Variants in CSMD1 observed in about 807,000 individuals in gnomAD.
The protein encoded by CSMD1 is CUB and sushi domain-containing protein 1.
CSMD1 carries 213 observed loss-of-function variants against 417.5 expected under a neutral mutation model. The observed-to-expected ratio is 0.51, with a 90% CI of 0.46 to 0.57. CSMD1 has a LOEUF of 0.57. Ranked by LOEUF, CSMD1 falls within the 20% of genes least tolerant of loss-of-function variation. The probability of loss-of-function intolerance (pLI) is 0.00; values close to 1 mark genes in which losing one functional copy is unlikely to be tolerated. For synonymous variants in CSMD1, 2,862 were observed against 1,736.8 expected (o/e 1.65, Z -16.11); for missense variants, 6,923 against 4,529.7 (o/e 1.53, Z -15.17).
At chr8:4,790,334 A>C (rs1273844981) in intron 1 of CSMD1, among the ~76,000 whole-genome samples, 1 of 152,198 alleles carries the variant, frequency 6.6e-6, no homozygotes, top group East Asian at 1.9e-4. Context: ...AGATGACACA[A>C]ACTAATGGAA....
intron 1 of CSMD1, among the ~76,000 whole-genome samples, chr8:4,725,197 G>T (rs973644491): frequency 8.5e-5 from 13 of 152,108 alleles, no homozygotes; most frequent in African/African-American, 3.1e-4. Flanking sequence ...GAATAAAGAT[G>T]AAAAGGTTAA....
chr8:3,476,110 A>G (rs1284920281), intron 11 of CSMD1, among the ~76,000 whole-genome samples: 2 of 152,158 alleles, frequency 1.3e-5, no homozygotes, highest in Non-Finnish European at 2.9e-5. Context: ...TCGGAGGCTG[A>G]GGTGGGAAGA....
intron 64 of CSMD1, among the ~76,000 whole-genome samples, 181 bp from the exon 65 acceptor site, chr8:2,954,449 T>C (rs1211269345): frequency 6.6e-6 from 1 of 152,194 alleles, no homozygotes; most frequent in African/African-American, 2.4e-5. Context: ...TTGGTGTTTG[T>C]GGGAAAGCGG....
intron 7 of CSMD1, among the ~76,000 whole-genome samples, chr8:3,633,738 T>A (rs993801116): frequency 6.6e-6 from 1 of 152,224 alleles, no homozygotes; most frequent in African/African-American, 2.4e-5. Context: ...ATGTAAACAC[T>A]GATTTCCCTT....
intron 1 of CSMD1, among the ~76,000 whole-genome samples, chr8:4,891,037 C>A (rs189386638): frequency 9.5e-4 from 144 of 152,222 alleles, no homozygotes; most frequent in African/African-American, 3.3e-3. Context: ...GGAAATGGTT[C>A]CATTCATTAC....
chr8:3,788,274 C>G (rs1312774354), intron 5 of CSMD1, among the ~76,000 whole-genome samples: 1 of 152,140 alleles, frequency 6.6e-6, no homozygotes, highest in Non-Finnish European at 1.5e-5. Flanking sequence ...AGTTTTCTTT[C>G]TTAAGGAACT....
chr8:4,204,502 C>G (rs1799862557), intron 3 of CSMD1, among the ~76,000 whole-genome samples: 1 of 152,138 alleles, frequency 6.6e-6, no homozygotes, highest in Non-Finnish European at 1.5e-5. Context: ...AAACCAGATT[C>G]AATTTCCATA....
intron 5 of CSMD1, among the ~76,000 whole-genome samples, chr8:3,936,027 T>C (rs967994103): frequency 6.6e-6 from 1 of 152,194 alleles, no homozygotes; most frequent in Non-Finnish European, 1.5e-5. Context: ...AACAGCCTTA[T>C]TGCTGATATG....
At chr8:4,897,928 A>G (rs1428481253) in intron 1 of CSMD1, among the ~76,000 whole-genome samples, 1 of 152,140 alleles carries the variant, frequency 6.6e-6, no homozygotes, top group African/African-American at 2.4e-5. Context: ...GGGACATTAG[A>G]TTCTAAACAT....
intron 3 of CSMD1, among the ~76,000 whole-genome samples, chr8:4,117,374 A>G (rs1802216173): frequency 6.6e-6 from 1 of 152,054 alleles, no homozygotes; most frequent in South Asian, 2.1e-4. Context: ...ACACCGGGAC[A>G]CCAGGCAAAG....
At chr8:4,737,115 A>T (rs915994225) in intron 1 of CSMD1, among the ~76,000 whole-genome samples, 6 of 152,162 alleles carry the variant, frequency 3.9e-5, no homozygotes, top group African/African-American at 1.4e-4. Flanking sequence ...CTGAATAAAG[A>T]AAATGTGGTA....
At chr8:4,320,173 A>C (rs908630358) in intron 3 of CSMD1, among the ~76,000 whole-genome samples, 1 of 152,202 alleles carries the variant, frequency 6.6e-6, no homozygotes, top group African/African-American at 2.4e-5. Context: ...AAATGCAAAA[A>C]TATCCAGCAC....
chr8:4,792,498 G>C (rs2117240057), intron 1 of CSMD1, among the ~76,000 whole-genome samples: 1 of 152,204 alleles, frequency 6.6e-6, no homozygotes, highest in East Asian at 1.9e-4. Context: ...CCCGTTCCCT[G>C]GGCAGTTGTG....
intron 17 of CSMD1, among the ~76,000 whole-genome samples, chr8:3,391,362 C>A (rs796659592): frequency 6.6e-6 from 1 of 152,134 alleles, no homozygotes; most frequent in East Asian, 1.9e-4. Context: ...AAAAAATGCT[C>A]TAAAATTAAA....
chr8:4,580,959 GACA>G (rs1563305972), intron 2 of CSMD1, among the ~76,000 whole-genome samples: 2 of 152,170 alleles, frequency 1.3e-5, no homozygotes, highest in African/African-American at 4.8e-5. Context: ...TGAAAAGATA[GACA>G]ACGATTGTCC....
intron 3 of CSMD1, among the ~76,000 whole-genome samples, chr8:4,092,476 A>G (rs967486059): frequency 2.0e-5 from 3 of 152,182 alleles, no homozygotes; most frequent in Admixed American, 2.0e-4. Context: ...TGGTAAAATG[A>G]TAATTAAGCA....
At chr8:4,598,954 G>A (rs1160795005) in intron 2 of CSMD1, among the ~76,000 whole-genome samples, 1 of 152,134 alleles carries the variant, frequency 6.6e-6, no homozygotes, top group Admixed American at 6.5e-5. Context: ...TAAATCAAAT[G>A]TTAAACCAAT....
intron 3 of CSMD1, among the ~76,000 whole-genome samples, chr8:4,292,787 C>G (rs753440826): frequency 6.6e-6 from 1 of 152,036 alleles, no homozygotes; most frequent in Non-Finnish European, 1.5e-5. Context: ...TTCAGTAGTC[C>G]CAACCATGTA....
At chr8:3,723,828 C>T (rs965641819) in intron 6 of CSMD1, among the ~76,000 whole-genome samples, 23 of 152,260 alleles carry the variant, frequency 1.5e-4, no homozygotes, top group South Asian at 2.1e-4. Context: ...TACCAAATCA[C>T]GGATGAGTAA....
Sources: allele counts gnomAD v4.1 joint callset (sites outside exome capture counted in the v4.1 genomes callset), GRCh38; gene constraint gnomAD v4.1.1; transcripts MANE v1.5; gene names NCBI Gene and HGNC (gene_info 2026-07-23, HGNC 2026-07-21).